Variants in DOCK8 observed in about 807,000 individuals in gnomAD.
DOCK8 encodes dedicator of cytokinesis protein 8.
In DOCK8, 141 loss-of-function variants were observed where a neutral mutation model predicts 245.6. The ratio of observed to expected loss-of-function variants is 0.57; its 90% CI spans 0.50 to 0.66. The LOEUF is 0.66. DOCK8 is among the 30% of genes least tolerant of loss of function. The pLI, the probability that DOCK8 is intolerant of heterozygous loss-of-function variation, is 0.00. For synonymous variants in DOCK8, 1,168 were observed against 970.2 expected (o/e 1.20, Z -3.79); for missense variants, 2,965 against 2,603.4 (o/e 1.14, Z -3.02).
At chr9:229,934 A>T (rs1008148355) in intron 1 of DOCK8, among the ~76,000 whole-genome samples, 1 of 151,572 alleles carries the variant, frequency 6.6e-6, no homozygotes, top group African/African-American at 2.4e-5. Context: ...TTTAAGTTTT[A>T]GGGTACATGT....
At chr9:395,105 C>G (rs76209273) in intron 24 of DOCK8, among the ~76,000 whole-genome samples, 2 of 152,062 alleles carry the variant, frequency 1.3e-5, no homozygotes, top group East Asian at 3.9e-4. Context: ...TTTTTTCGGA[C>G]AAAAATGGGT....
chr9:340,519 G>T (rs865954126), intron 14 of DOCK8, 198 bp downstream of exon 14: 23 of 617,400 alleles, frequency 3.7e-5, no homozygotes, highest in South Asian at 3.1e-4. Flanking sequence ...AACTTGGCAG[G>T]CTGAGGCAGG....
At chr9:304,295 C>G (rs1412789452) in intron 4 of DOCK8, among the ~76,000 whole-genome samples, 5 of 152,170 alleles carry the variant, frequency 3.3e-5, no homozygotes, top group African/African-American at 1.2e-4. Context: ...CAGCTCGGAG[C>G]CAAATGCCCC....
intron 25 of DOCK8, among the ~76,000 whole-genome samples, chr9:397,323 C>T (rs192994704): frequency 8.1e-5 from 12 of 148,218 alleles, no homozygotes; most frequent in African/African-American, 3.0e-4. Context: ...AGCACTCCAG[C>T]CTGGGTGACA....
At chr9:301,873 A>T (rs1256907077) in intron 4 of DOCK8, among the ~76,000 whole-genome samples, 2 of 152,240 alleles carry the variant, frequency 1.3e-5, no homozygotes, top group South Asian at 2.1e-4. Context: ...CAAATATTCC[A>T]TGCTCGTGGA....
intron 18 of DOCK8, among the ~76,000 whole-genome samples, chr9:374,515 G>A (rs1330925186): frequency 2.2e-5 from 3 of 134,884 alleles, no homozygotes; most frequent in Non-Finnish European, 3.1e-5. Flanking sequence ...AGGCTGGAGT[G>A]CAGTGGCGTG....
At chr9:394,679 C>G (rs543637872) in intron 24 of DOCK8, among the ~76,000 whole-genome samples, 97 of 152,336 alleles carry the variant, frequency 6.4e-4, no homozygotes, top group Non-Finnish European at 1.2e-3. Flanking sequence ...ACCTAGTTTA[C>G]TCACTCAGGA....
At chr9:405,679 C>G (rs532539463) in intron 27 of DOCK8, among the ~76,000 whole-genome samples, 6 of 152,262 alleles carry the variant, frequency 3.9e-5, no homozygotes, top group South Asian at 4.1e-4. Context: ...ACATCAGTAG[C>G]TCAGAGCATC....
rs375231483 is a variant in DOCK8, at chr9:235,310, G to A, written c.53+20281G>A. ...TGTGAGGTGTCAGTCTGCCCCTACT[G>A]GGGGGTGCCTCCCAGTTGGGCTACT... On this transcript the variant is annotated intron_variant, in intron 1 of 47. Transcript: ENST00000432829. 5.7e-3 allele frequency among the ~76,000 whole-genome samples: 875 copies of A among 152,282 alleles called. 5 individuals are homozygous for A. The highest frequency in any genetic ancestry group is 0.02 in the African/African-American group (813 of 41,552).
upstream of DOCK8, chr9:213,523 C>A (rs2046657194): frequency 6.6e-6 from 1 of 152,088 alleles, no homozygotes; most frequent in Non-Finnish European, 1.5e-5. Context: ...TCCAAAGTAT[C>A]ATTTAACATG....
chr9:280,726 T>C (rs1563869253), intron 2 of DOCK8: 1 of 152,140 alleles, frequency 6.6e-6, no homozygotes, highest in Non-Finnish European at 1.5e-5. Flanking sequence ...AAATGACTGA[T>C]GATGTAACTG....
At chr9:433,024 C>G (rs2056772903) in intron 37 of DOCK8, among the ~76,000 whole-genome samples, 1 of 152,176 alleles carries the variant, frequency 6.6e-6, no homozygotes, top group Admixed American at 6.5e-5. Context: ...TTCTTTTATT[C>G]CCTTAGTCTG....
chr9:400,217 T>TCACCACCACCTCCACCATCAC (rs2054786663), intron 26 of DOCK8, among the ~76,000 whole-genome samples: 1 of 35,290 alleles, frequency 2.8e-5, no homozygotes, highest in Non-Finnish European at 6.1e-5. Flanking sequence ...ACCTCCACTA[T>TCACCACCACCTCCACCATCAC]CACCACCACC....
intron 46 of DOCK8, chr9:456,761 C>A (rs1482176836): frequency 6.6e-6 from 1 of 152,014 alleles, no homozygotes; most frequent in Non-Finnish European, 1.5e-5. Context: ...TAGAGAGATA[C>A]AATCTTCTAT....
chr9:384,488 G>C (rs372584330), intron 22 of DOCK8, among the ~76,000 whole-genome samples: 9 of 152,316 alleles, frequency 5.9e-5, no homozygotes, highest in Admixed American at 2.0e-4. Context: ...CCAGGGTTTG[G>C]GGCTGGGCGC....
intron 1 of DOCK8, among the ~76,000 whole-genome samples, chr9:265,094 G>A (rs1312535335): frequency 6.6e-6 from 1 of 152,152 alleles, no homozygotes; most frequent in Non-Finnish European, 1.5e-5. Flanking sequence ...ACCAAGCCAG[G>A]CTAATTTTTG....
At chr9:265,546 G>A (rs1288098984) in intron 1 of DOCK8, among the ~76,000 whole-genome samples, 1 of 151,980 alleles carries the variant, frequency 6.6e-6, no homozygotes, top group South Asian at 2.1e-4. Flanking sequence ...TTTCACTATT[G>A]TTTAAAACAT....
intron 36 of DOCK8, among the ~76,000 whole-genome samples, chr9:430,796 G>C (rs1454456110): frequency 6.6e-6 from 1 of 152,168 alleles, no homozygotes; most frequent in Non-Finnish European, 1.5e-5. Context: ...ATTCTGACTA[G>C]CTAGTGCCAG....
intron 10 of DOCK8, 49 bp downstream of exon 10, chr9:332,527 G>A (rs368009504): frequency 1.1e-5 from 15 of 1,386,036 alleles, no homozygotes; most frequent in Non-Finnish European, 1.5e-5. Flanking sequence ...GAAGAAGCAG[G>A]TATTTTCAGA....
Sources: gnomAD v4.1 joint callset for allele counts (sites outside exome capture counted in the v4.1 genomes callset) on GRCh38, gnomAD v4.1.1 for gene constraint, MANE v1.5 for transcripts, NCBI Gene and HGNC (gene_info 2026-07-23, HGNC 2026-07-21) for gene names.